Variants in CTNNA2 observed in about 807,000 individuals in gnomAD.
CTNNA2 encodes catenin alpha 2, also known as catenin alpha-2.
In CTNNA2, 42 loss-of-function variants were observed where a neutral mutation model predicts 101.0. The observed-to-expected ratio is 0.42, with a 90% CI of 0.32 to 0.54. The LOEUF is 0.54. Among genes scored for constraint, CTNNA2 ranks in the 20% least tolerant of loss-of-function variants. The pLI is 0.14. For missense variants in CTNNA2, 871 were observed against 1,223.1 expected (o/e 0.71, Z 4.29); for synonymous variants, 450 against 456.4 (o/e 0.99, Z 0.18).
At chr2:80,313,696 G>A in intron 7 of CTNNA2, 1 of 1,466,298 alleles carries the variant, frequency 6.8e-7, no homozygotes, top group Non-Finnish European at 9.4e-7. Context: ...TGAATTTAGT[G>A]CCAGATTGGA....
At chr2:79,733,077 C>G (rs1485778695) in intron 2 of CTNNA2, among the ~76,000 whole-genome samples, 1 of 152,104 alleles carries the variant, frequency 6.6e-6, no homozygotes, top group African/African-American at 2.4e-5. Flanking sequence ...AGCGGGTTCG[C>G]TGGTGGCACC....
chr2:79,770,655 T>C (rs896545435), intron 3 of CTNNA2, among the ~76,000 whole-genome samples: 2 of 152,112 alleles, frequency 1.3e-5, no homozygotes, highest in African/African-American at 4.8e-5. Context: ...CAAAATAGAG[T>C]ACAAAGAAAT....
At chr2:79,762,103 C>T (rs1007979727) in intron 3 of CTNNA2, among the ~76,000 whole-genome samples, 9 of 152,122 alleles carry the variant, frequency 5.9e-5, no homozygotes, top group African/African-American at 2.2e-4. Context: ...AATCTTTGGT[C>T]TTAATTTCTC....
At chr2:80,608,351 TC>T in intron 17 of CTNNA2, 33 bp downstream of exon 17, 1 of 1,586,252 alleles carries the variant, frequency 6.3e-7, no homozygotes, top group South Asian at 1.1e-5. Context: ...AATGTAAAGT[TC>T]CCACCGTTGC....
intron 7 of CTNNA2, among the ~76,000 whole-genome samples, chr2:80,027,492 G>A (rs2104160228): frequency 1.3e-5 from 2 of 152,346 alleles, no homozygotes; most frequent in African/African-American, 4.8e-5. Context: ...TGGCTTCTGT[G>A]TGGAGAATGG....
intron 2 of CTNNA2, among the ~76,000 whole-genome samples, chr2:79,219,021 T>C (rs1440646400): frequency 6.6e-6 from 1 of 152,198 alleles, no homozygotes; most frequent in East Asian, 1.9e-4. Flanking sequence ...TGTGTGTATG[T>C]ATGTATAGTA....
chr2:80,390,405 A>G (rs562119780), intron 7 of CTNNA2, among the ~76,000 whole-genome samples: 6 of 152,318 alleles, frequency 3.9e-5, no homozygotes, highest in African/African-American at 1.4e-4. Context: ...ACAGGGACCA[A>G]TAGGACGCCT....
At chr2:80,561,834 T>C (rs1187036816) in intron 12 of CTNNA2, among the ~76,000 whole-genome samples, 1 of 150,082 alleles carries the variant, frequency 6.7e-6, no homozygotes, top group Non-Finnish European at 1.5e-5. Flanking sequence ...CTAATTTTTT[T>C]TTTTTTTTTT....
intron 1 of CTNNA2, among the ~76,000 whole-genome samples, chr2:79,611,511 C>A (rs1678272122): frequency 6.6e-6 from 1 of 152,118 alleles, no homozygotes; most frequent in African/African-American, 2.4e-5. Flanking sequence ...ACAAATAACT[C>A]TTCAGTTAAA....
chr2:79,752,257 A>G (rs531896726), intron 3 of CTNNA2, among the ~76,000 whole-genome samples: 40 of 151,974 alleles, frequency 2.6e-4, no homozygotes, highest in African/African-American at 8.9e-4. Context: ...AGGGAAAGCA[A>G]TCCCCTGAAA....
At chr2:80,177,651 T>C (rs550682604) in intron 7 of CTNNA2, among the ~76,000 whole-genome samples, 1 of 152,298 alleles carries the variant, frequency 6.6e-6, no homozygotes, top group Admixed American at 6.5e-5. Flanking sequence ...TCCTTTCCAC[T>C]TGATTATTAA....
chr2:79,693,050 CTA>C, intron 2 of CTNNA2, among the ~76,000 whole-genome samples: 2 of 151,544 alleles, frequency 1.3e-5, no homozygotes, highest in Middle Eastern at 3.4e-3. Context: ...AAAAATAAAG[CTA>C]TATACTATAT....
intron 1 of CTNNA2, among the ~76,000 whole-genome samples, chr2:79,555,502 T>G (rs1303838216): frequency 6.6e-6 from 1 of 152,158 alleles, no homozygotes; most frequent in Non-Finnish European, 1.5e-5. Context: ...TTTAAGAAAT[T>G]TCCTGTGTTT....
At chr2:80,120,182 A>G (rs537640637) in intron 7 of CTNNA2, among the ~76,000 whole-genome samples, 1 of 152,346 alleles carries the variant, frequency 6.6e-6, no homozygotes, top group South Asian at 2.1e-4. Context: ...AACTAAATTG[A>G]CTGATGACAG....
chr2:80,380,398 A>T (rs1676411278), intron 7 of CTNNA2, among the ~76,000 whole-genome samples: 1 of 152,124 alleles, frequency 6.6e-6, no homozygotes, highest in Non-Finnish European at 1.5e-5. Flanking sequence ...GGGAGGAACA[A>T]CTGAGAAACT....
At chr2:80,221,002 C>T (rs1053736457) in intron 7 of CTNNA2, among the ~76,000 whole-genome samples, 1 of 152,302 alleles carries the variant, frequency 6.6e-6, no homozygotes, top group East Asian at 1.9e-4. Flanking sequence ...CTGCCTCAGC[C>T]TCCCAAGTAG....
At chr2:79,905,439 T>G (rs1685352782) in intron 6 of CTNNA2, among the ~76,000 whole-genome samples, 1 of 152,120 alleles carries the variant, frequency 6.6e-6, no homozygotes, top group Non-Finnish European at 1.5e-5. Flanking sequence ...TGAACTAAAA[T>G]AAGTCTGTAA....
chr2:79,564,814 C>A (rs1315165928), intron 1 of CTNNA2, among the ~76,000 whole-genome samples: 1 of 152,078 alleles, frequency 6.6e-6, no homozygotes, highest in Non-Finnish European at 1.5e-5. Flanking sequence ...TCTTCTTCTT[C>A]TTTCGCTCTG....
At chr2:79,394,461 C>G (rs745859646) in intron 4 of CTNNA2, among the ~76,000 whole-genome samples, 1 of 152,076 alleles carries the variant, frequency 6.6e-6, no homozygotes, top group African/African-American at 2.4e-5. Context: ...GTAACAGAAA[C>G]CTAACAATCA....
Sources: gnomAD v4.1 joint callset for allele counts (sites outside exome capture counted in the v4.1 genomes callset) on GRCh38, gnomAD v4.1.1 for gene constraint, MANE v1.5 for transcripts, NCBI Gene and HGNC (gene_info 2026-07-23, HGNC 2026-07-21) for gene names.